The following HSD17B2 variants were observed in gnomAD, a reference collection of about 807,000 sequenced individuals.
HSD17B2 encodes 17-beta-hydroxysteroid dehydrogenase type 2.
HSD17B2 carries 32 observed loss-of-function variants against 26.9 expected under a neutral mutation model. The observed-to-expected ratio is 1.19, with a 90% CI of 0.90 to 1.60. The LOEUF (loss-of-function observed/expected upper bound fraction) is 1.60. HSD17B2 is among the 40% of genes most tolerant of loss of function. The pLI is 0.00. For missense variants in HSD17B2, 613 were observed against 468.6 expected (o/e 1.31, Z -2.85); for synonymous variants, 246 against 186.7 (o/e 1.32, Z -2.59).
intron 3 of HSD17B2, among the ~76,000 whole-genome samples, chr16:82,077,605 C>T (rs149375116): frequency 5.3e-5 from 8 of 152,138 alleles, no homozygotes; most frequent in Non-Finnish European, 1.2e-4. Flanking sequence ...TGGCATGTGC[C>T]TGTAGTCCTA....
Position 82,098,045 on chromosome 16 carries a change from A to C in HSD17B2, c.803-30A>C, listed in dbSNP as rs773700788. On this transcript the variant is annotated intron_variant, in intron 4 of 4. Coordinates refer to ENST00000199936, the MANE Select transcript of HSD17B2 (RefSeq NM_002153.3). ...CCCTGACTTCCTTGGCCTTCCCAGG[A>C]TCTGACTCTTCCCTTTCCTTTCACC... 4.8e-5 allele frequency: 76 copies of C among 1,586,598 alleles called. No homozygotes were observed. In the East Asian group the frequency reaches 1.7e-3, roughly 35 times the overall value.
intron 3 of HSD17B2, among the ~76,000 whole-genome samples, chr16:82,073,037 G>T (rs1426381457): frequency 1.3e-5 from 2 of 152,034 alleles, no homozygotes; most frequent in African/African-American, 4.8e-5. Context: ...CTCTAGCCTG[G>T]GTGAGAGAGT....
chr16:82,093,022 A>G (rs1247974009), intron 4 of HSD17B2: 1 of 152,176 alleles, frequency 6.6e-6, no homozygotes, highest in Non-Finnish European at 1.5e-5. Context: ...AGTTCTGGAG[A>G]GCTGTTCTCA....
intron 3 of HSD17B2, among the ~76,000 whole-genome samples, chr16:82,073,317 C>T (rs1030087023): frequency 5.3e-5 from 8 of 151,724 alleles, no homozygotes; most frequent in Non-Finnish European, 7.4e-5. Context: ...CTCCGCCTCC[C>T]GGGTTCACGC....
rs1321926234 is a variant in HSD17B2, at chr16:82,098,191, CT to C, written c.920del (p.Leu307ProfsTer3). The C allele has an allele frequency of 6.2e-7, 1 of 1,614,050 alleles. No individual in the cohort carries two copies. The highest frequency in any genetic ancestry group is 8.5e-7 in the Non-Finnish European group (1 of 1,180,022). ...QDYILAQRNF[L>X]LLINSLASKD... ...CTACATCTTAGCACAGCGGAATTTC[CT>C]CCTATTGATCAACTCGTTAGCCAGC... On this transcript the variant is annotated frameshift_variant, in exon 5 of 5. Coordinates refer to ENST00000199936, the MANE Select transcript of HSD17B2 (RefSeq NM_002153.3). LOFTEE classifies it low-confidence loss of function (END_TRUNC).
intron 1 of HSD17B2, among the ~76,000 whole-genome samples, chr16:82,043,803 T>A (rs188675706): frequency 6.6e-6 from 1 of 152,116 alleles, no homozygotes; most frequent in South Asian, 2.1e-4. Flanking sequence ...CACTGGGGTT[T>A]TGAATAATCC....
chr16:82,085,289 C>G (rs1285505257), intron 3 of HSD17B2, among the ~76,000 whole-genome samples: 1 of 152,176 alleles, frequency 6.6e-6, no homozygotes, highest in African/African-American at 2.4e-5. Context: ...CCCTGACACT[C>G]TTTAGGGAGA....
Position 82,075,626 on chromosome 16 carries a change from T to C in HSD17B2, c.664+4499T>C, listed in dbSNP as rs144341001. Among the ~76,000 whole-genome samples, 26 of 152,104 alleles carry C rather than the reference T, an allele frequency of 1.7e-4. No homozygotes were observed. In the East Asian group the frequency reaches 4.5e-3, roughly 26 times the overall value. On this transcript the variant is annotated intron_variant, in intron 3 of 4. Coordinates refer to ENST00000199936, the MANE Select transcript of HSD17B2 (RefSeq NM_002153.3). Reference sequence around the variant, plus strand: ...AATAAATTGGAGAACCTAGAAGAGATGGATAAATTCTTACAGAGAGCCTAC... The same window carrying C: ...AATAAATTGGAGAACCTAGAAGAGACGGATAAATTCTTACAGAGAGCCTAC...
chr16:82,044,856 G>A (rs150568859), intron 1 of HSD17B2, among the ~76,000 whole-genome samples: 3 of 152,156 alleles, frequency 2.0e-5, no homozygotes, highest in African/African-American at 7.2e-5. Context: ...GGTGGCTCAC[G>A]CTTGTAATCT....
At chr16:82,084,626 G>T (rs1904472460) in intron 3 of HSD17B2, among the ~76,000 whole-genome samples, 1 of 152,130 alleles carries the variant, frequency 6.6e-6, no homozygotes, top group South Asian at 2.1e-4. Context: ...AGGACAGTTG[G>T]AAAATTGTTC....
chr16:82,039,765 T>C (rs1913719989), intron 1 of HSD17B2, among the ~76,000 whole-genome samples: 1 of 152,110 alleles, frequency 6.6e-6, no homozygotes, highest in Admixed American at 6.5e-5. Flanking sequence ...TCATCTCAAA[T>C]ATTGAGAACC....
intron 1 of HSD17B2, chr16:82,044,738 A>C (rs1185366530): frequency 2.0e-5 from 3 of 152,254 alleles, no homozygotes; most frequent in African/African-American, 7.2e-5. Flanking sequence ...GGGGCCAGGA[A>C]CGTCACACTG....
At chr16:82,082,912 C>A (rs1431132251) in intron 3 of HSD17B2, among the ~76,000 whole-genome samples, 1 of 152,180 alleles carries the variant, frequency 6.6e-6, no homozygotes, top group Non-Finnish European at 1.5e-5. Flanking sequence ...GGCCTGTAAG[C>A]TAGAACTTGA....
At chr16:82,077,591 A>G (rs1216615121) in intron 3 of HSD17B2, among the ~76,000 whole-genome samples, 1 of 152,072 alleles carries the variant, frequency 6.6e-6, no homozygotes, top group Non-Finnish European at 1.5e-5. Context: ...TTAGCCAGGC[A>G]TGGTGGCATG....
At chr16:82,045,121 CAA>C (rs10565056) in intron 1 of HSD17B2, among the ~76,000 whole-genome samples, 310 of 42,782 alleles carry the variant, frequency 7.2e-3, no homozygotes, top group African/African-American at 0.016. Context: ...AAACTCTGTC[CAA>C]AAAAAAAAAA....
intron 1 of HSD17B2, among the ~76,000 whole-genome samples, chr16:82,067,237 G>T (rs985907595): frequency 6.6e-6 from 1 of 152,202 alleles, no homozygotes. Context: ...AGAGATCCCT[G>T]CAGGAGTCCA....
At chr16:82,078,220 G>T (rs1189121807) in intron 3 of HSD17B2, among the ~76,000 whole-genome samples, 2 of 152,126 alleles carry the variant, frequency 1.3e-5, no homozygotes, top group Non-Finnish European at 2.9e-5. Context: ...ATGTACAAAA[G>T]ATCTGAATAG....
intron 4 of HSD17B2, chr16:82,097,376 C>CACACACAG (rs1182613632): frequency 1.9e-5 from 2 of 103,754 alleles, no homozygotes; most frequent in Non-Finnish European, 2.4e-5. Context: ...CACACACACA[C>CACACACAG]AGACACATAT....
chr16:82,068,072 A>G, intron 1 of HSD17B2, 98 bp from the exon 2 acceptor site: 2 of 1,077,042 alleles, frequency 1.9e-6, no homozygotes, highest in South Asian at 2.9e-5. Context: ...TTCAGAGAGC[A>G]TGGAGAATCG....
Sources: allele counts gnomAD v4.1 joint callset (sites outside exome capture counted in the v4.1 genomes callset), GRCh38; gene constraint gnomAD v4.1.1; transcripts MANE v1.5; gene names NCBI Gene and HGNC (gene_info 2026-07-23, HGNC 2026-07-21).